The following CNTN6 variants were observed in gnomAD, a reference collection of about 807,000 sequenced individuals.
The protein encoded by CNTN6 is contactin 6, also known as contactin-6.
In CNTN6, 137 loss-of-function variants were observed where a neutral mutation model predicts 122.8. The ratio of observed to expected loss-of-function variants is 1.12; its 90% CI spans 0.97 to 1.29. The LOEUF (loss-of-function observed/expected upper bound fraction) is 1.29. CNTN6 is among the 50% of genes most tolerant of loss of function. The pLI, the probability that CNTN6 is intolerant of heterozygous loss-of-function variation, is 0.00. For missense variants in CNTN6, 1,634 were observed against 1,223.4 expected (o/e 1.34, Z -5.01); for synonymous variants, 570 against 426.0 (o/e 1.34, Z -4.16).
intron 12 of CNTN6, among the ~76,000 whole-genome samples, chr3:1,368,204 G>T (rs1467249096): frequency 2.0e-5 from 3 of 152,100 alleles, no homozygotes; most frequent in Non-Finnish European, 2.9e-5. Flanking sequence ...GGTAAAACAG[G>T]CATTTTGAAC....
intron 20 of CNTN6, among the ~76,000 whole-genome samples, chr3:1,389,302 C>T (rs1483424083): frequency 6.6e-6 from 1 of 151,988 alleles, no homozygotes; most frequent in Non-Finnish European, 1.5e-5. Flanking sequence ...ATTTCATATC[C>T]AGCCAAACTA....
intron 1 of CNTN6, among the ~76,000 whole-genome samples, chr3:1,121,560 T>C (rs2091950607): frequency 6.6e-6 from 1 of 151,966 alleles, no homozygotes; most frequent in Admixed American, 6.6e-5. Context: ...ACCTTACTGA[T>C]TTCACTTGCC....
intron 11 of CNTN6, among the ~76,000 whole-genome samples, chr3:1,330,862 A>C (rs1702193255): frequency 3.3e-5 from 5 of 151,892 alleles, no homozygotes; most frequent in Admixed American, 3.3e-4. Context: ...CCTACCTAAA[A>C]AGGATAGTCA....
At chr3:1,222,629 T>C (rs771007341) in intron 3 of CNTN6, among the ~76,000 whole-genome samples, 8 of 152,176 alleles carry the variant, frequency 5.3e-5, no homozygotes, top group Non-Finnish European at 7.4e-5. Context: ...TCTAAGATCC[T>C]TGTAAGCTAA....
At chr3:1,249,089 T>A (rs925161744) in intron 4 of CNTN6, among the ~76,000 whole-genome samples, 1 of 152,132 alleles carries the variant, frequency 6.6e-6, no homozygotes, top group Non-Finnish European at 1.5e-5. Flanking sequence ...TGGACAGATA[T>A]CAGACGGTGG....
At chr3:1,243,024 C>T (rs2094508041) in intron 4 of CNTN6, among the ~76,000 whole-genome samples, 1 of 152,160 alleles carries the variant, frequency 6.6e-6, no homozygotes, top group African/African-American at 2.4e-5. Context: ...AGCTCGGCGT[C>T]CGTGATGGTC....
intron 1 of CNTN6, among the ~76,000 whole-genome samples, chr3:1,126,351 A>G (rs2092158497): frequency 6.6e-6 from 1 of 151,884 alleles, no homozygotes; most frequent in Admixed American, 6.6e-5. Context: ...CAGATTCTCT[A>G]ATTTCCCTCC....
intron 20 of CNTN6, among the ~76,000 whole-genome samples, chr3:1,389,255 T>G (rs1693711558): frequency 6.6e-6 from 1 of 152,056 alleles, no homozygotes; most frequent in South Asian, 2.1e-4. Context: ...TGGGGGCCAA[T>G]ATTCAACATT....
At chr3:1,393,555 TAAAA>T (rs572632140) in intron 20 of CNTN6, among the ~76,000 whole-genome samples, 156 of 107,906 alleles carry the variant, frequency 1.4e-3, no homozygotes, top group African/African-American at 4.4e-3. Flanking sequence ...CTTAAAGAAG[TAAAA>T]AAAAAAAAAA....
rs71056326 is a variant in CNTN6 at position 1,245,295 on chromosome 3, CATATATATATATATATATATATAT to C, written c.358+17320_358+17343del. Among the ~76,000 whole-genome samples the C allele has an allele frequency of 2.1e-3, 8 of 3,808 alleles. 2 individuals carry two copies. Among genetic ancestry groups the C allele is most frequent in the South Asian group, 9.6e-3 (1 of 104 alleles). 2.5% of individuals were successfully genotyped at this position (3,808 alleles called of 152,430 possible). A position where few individuals can be genotyped will look rare whatever the true frequency, so the allele number is the denominator to read the frequency against. On this transcript the variant is annotated intron_variant, in intron 4 of 22. Coordinates refer to ENST00000446702, the MANE Select transcript of CNTN6 (RefSeq NM_001289080.2). ...TATATACACACACATATATATATAA[CATATATATATATATATATATATAT>C]ATATATATATATATATAGCATGGAA...
At chr3:1,343,872 G>C (rs1045419491) in intron 11 of CNTN6, among the ~76,000 whole-genome samples, 1 of 152,134 alleles carries the variant, frequency 6.6e-6, no homozygotes, top group African/African-American at 2.4e-5. Context: ...TATTCAAAGT[G>C]ATCTGACTTT....
At chr3:1,249,494 T>C (rs894509494) in intron 4 of CNTN6, among the ~76,000 whole-genome samples, 3 of 152,226 alleles carry the variant, frequency 2.0e-5, no homozygotes, top group Non-Finnish European at 4.4e-5. Flanking sequence ...TAATAGGTTT[T>C]CAAACTGTAT....
chr3:1,127,976 A>G (rs368906699), intron 1 of CNTN6, among the ~76,000 whole-genome samples: 223 of 152,044 alleles, frequency 1.5e-3, no homozygotes, highest in African/African-American at 5.1e-3. Context: ...TAGGGCCTAC[A>G]GTTTCAAAGT....
At chr3:1,161,764 A>ATG (rs1491080380) in intron 2 of CNTN6, among the ~76,000 whole-genome samples, 2 of 143,288 alleles carry the variant, frequency 1.4e-5, no homozygotes, top group African/African-American at 5.6e-5. Context: ...ATATATATAT[A>ATG]TGTATACACA....
intron 2 of CNTN6, among the ~76,000 whole-genome samples, chr3:1,208,009 C>G (rs1164207862): frequency 6.6e-6 from 1 of 151,932 alleles, no homozygotes; most frequent in African/African-American, 2.4e-5. Flanking sequence ...TGGTATTGTG[C>G]CTACATACTC....
intron 12 of CNTN6, among the ~76,000 whole-genome samples, chr3:1,353,985 T>G (rs1421429743): frequency 6.6e-6 from 1 of 151,482 alleles, no homozygotes; most frequent in East Asian, 1.9e-4. Context: ...ATGATGGGGA[T>G]TCCTTCACTC....
At chr3:1,292,572 G>T (rs1254076445) in intron 5 of CNTN6, among the ~76,000 whole-genome samples, 1 of 152,108 alleles carries the variant, frequency 6.6e-6, no homozygotes, top group Admixed American at 6.5e-5. Flanking sequence ...AGCTTCTTTA[G>T]TGATTCTAAT....
At chr3:1,385,308 T>A (rs2126192307) in intron 19 of CNTN6, among the ~76,000 whole-genome samples, 1 of 152,302 alleles carries the variant, frequency 6.6e-6, no homozygotes, top group Middle Eastern at 3.4e-3. Flanking sequence ...TCTGACTTGT[T>A]ATACATCATT....
At chr3:1,233,180 C>G (rs1046744169) in intron 4 of CNTN6, among the ~76,000 whole-genome samples, 3 of 152,148 alleles carry the variant, frequency 2.0e-5, no homozygotes, top group South Asian at 2.1e-4. Context: ...ATTCCACACT[C>G]AGTATGACAC....
Sources: allele counts gnomAD v4.1 joint callset (sites outside exome capture counted in the v4.1 genomes callset), GRCh38; gene constraint gnomAD v4.1.1; transcripts MANE v1.5; gene names NCBI Gene and HGNC (gene_info 2026-07-23, HGNC 2026-07-21).